FRMPD4: variants seen among roughly 807,000 people sequenced by gnomAD.
FRMPD4 encodes FERM and PDZ domain-containing protein 4.
Under a neutral mutation model 94.1 loss-of-function variants are expected in FRMPD4, and 22 were observed. The observed-to-expected ratio is 0.23, with a 90% CI of 0.17 to 0.33. The LOEUF (loss-of-function observed/expected upper bound fraction) is 0.33, where lower values mean the gene tolerates loss of function less well. FRMPD4 is among the 10% of genes least tolerant of loss of function. FRMPD4 has a pLI of 1.00. For synonymous variants in FRMPD4, 631 were observed against 548.6 expected (o/e 1.15, Z -2.10); for missense variants, 1,111 against 1,339.9 (o/e 0.83, Z 2.67).
chrX:12,163,359 CTTTG>C (rs200839130), intron 1 of FRMPD4, among the ~76,000 whole-genome samples: 1,709 of 87,483 alleles, frequency 0.02, 38 homozygotes, highest in African/African-American at 0.07. Flanking sequence ...TTGTTTGTTT[CTTTG>C]TTTGTTTTTA....
intron 2 of FRMPD4, among the ~76,000 whole-genome samples, chrX:12,516,078 G>A (rs1285061194): frequency 9.0e-6 from 1 of 110,769 alleles, no homozygotes; most frequent in Non-Finnish European, 1.9e-5. Context: ...CCTTTATTTT[G>A]AGCCTATGTG....
intron 4 of FRMPD4, among the ~76,000 whole-genome samples, chrX:12,641,012 A>G (rs954883855): frequency 2.4e-4 from 27 of 111,245 alleles, no homozygotes; most frequent in African/African-American, 7.2e-4. Context: ...GTGAGACCCT[A>G]TCTCTAATTT....
At chrX:12,635,479 G>A (rs1200269159) in intron 4 of FRMPD4, among the ~76,000 whole-genome samples, 1 of 111,310 alleles carries the variant, frequency 9.0e-6, no homozygotes, top group Non-Finnish European at 1.9e-5. Flanking sequence ...TCGAGGGGCT[G>A]AAAGGCCATC....
intron 3 of FRMPD4, among the ~76,000 whole-genome samples, chrX:11,879,767 A>G (rs1035079628): frequency 1.8e-5 from 2 of 112,314 alleles, no homozygotes; most frequent in Admixed American, 1.9e-4. Flanking sequence ...AGAACTATGT[A>G]AATATAGTTC....
At chrX:12,461,245 C>T (rs758474184) in intron 1 of FRMPD4, among the ~76,000 whole-genome samples, 1 of 111,771 alleles carries the variant, frequency 8.9e-6, no homozygotes, top group Non-Finnish European at 1.9e-5. Flanking sequence ...TTTCCCAAAA[C>T]GAGATGTGTG....
chrX:12,389,199 C>T (rs112163561), intron 1 of FRMPD4, among the ~76,000 whole-genome samples: 1,542 of 109,539 alleles, frequency 0.014, 22 homozygotes, highest in African/African-American at 0.043. Context: ...AGTGGCTGGG[C>T]GCGGTGGATC....
intron 1 of FRMPD4, among the ~76,000 whole-genome samples, chrX:12,400,882 A>G (rs888916014): frequency 3.6e-5 from 4 of 112,042 alleles, no homozygotes; most frequent in African/African-American, 1.3e-4. Flanking sequence ...GAAACTCAAA[A>G]TCTCAAAACT....
chrX:11,958,024 C>A (rs2054265704), intron 3 of FRMPD4, among the ~76,000 whole-genome samples: 1 of 111,872 alleles, frequency 8.9e-6, no homozygotes, highest in Admixed American at 9.5e-5. Flanking sequence ...TTTAAAAGAA[C>A]CCCCAATTGG....
intron 3 of FRMPD4, among the ~76,000 whole-genome samples, chrX:11,993,658 A>G (rs1255054645): frequency 3.6e-5 from 4 of 112,628 alleles, no homozygotes; most frequent in African/African-American, 1.3e-4. Flanking sequence ...GATGTGTTGT[A>G]TAAGTCAGGG....
intron 1 of FRMPD4, among the ~76,000 whole-genome samples, chrX:12,410,214 C>G (rs962865730): frequency 6.3e-5 from 7 of 111,482 alleles, no homozygotes; most frequent in Non-Finnish European, 9.4e-5. Context: ...ATGCCACTCC[C>G]ATTTACACGC....
At chrX:12,540,823 T>C (rs2058401181) in intron 2 of FRMPD4, among the ~76,000 whole-genome samples, 1 of 111,681 alleles carries the variant, frequency 9.0e-6, no homozygotes, top group Non-Finnish European at 1.9e-5. Context: ...ATTCCAAAAT[T>C]GACCACATAG....
chrX:12,577,543 G>A (rs2058823997), intron 2 of FRMPD4, among the ~76,000 whole-genome samples: 1 of 110,878 alleles, frequency 9.0e-6, no homozygotes, highest in South Asian at 3.9e-4. Flanking sequence ...TAAATCTAAA[G>A]TGATAGGAAG....
At chrX:12,603,739 G>A (rs909553902) in intron 2 of FRMPD4, among the ~76,000 whole-genome samples, 13 of 109,695 alleles carry the variant, frequency 1.2e-4, no homozygotes, top group Admixed American at 4.9e-4. Context: ...ATTCACTGAC[G>A]CACGTTCAGC....
chrX:12,707,013 C>T (rs1313339192), intron 12 of FRMPD4, 98 bp downstream of exon 12: 1 of 470,939 alleles, frequency 2.1e-6, no homozygotes, highest in Admixed American at 3.7e-5. Context: ...GAATCTTCTC[C>T]AGCCTTCATT....
intron 3 of FRMPD4, among the ~76,000 whole-genome samples, chrX:11,946,366 G>A (rs2054189140): frequency 9.0e-6 from 1 of 111,699 alleles, no homozygotes. Flanking sequence ...CACATTGTAG[G>A]GTTGCACTTT....
At chrX:12,067,528 C>G (rs2054931783) in intron 3 of FRMPD4, among the ~76,000 whole-genome samples, 1 of 110,632 alleles carries the variant, frequency 9.0e-6, no homozygotes, top group African/African-American at 3.3e-5. Context: ...TGTGATTCTC[C>G]TGCCTCAGCC....
intron 2 of FRMPD4, among the ~76,000 whole-genome samples, chrX:12,529,695 A>C (rs1234269529): frequency 8.9e-6 from 1 of 111,959 alleles, no homozygotes; most frequent in Non-Finnish European, 1.9e-5. Context: ...CAGATTCAAA[A>C]CCCAAATGAG....
intron 1 of FRMPD4, among the ~76,000 whole-genome samples, chrX:12,389,102 C>T (rs1487767406): frequency 9.2e-6 from 1 of 108,409 alleles, no homozygotes; most frequent in Non-Finnish European, 1.9e-5. Context: ...ATCTCAGACA[C>T]GAGGAATAAG....
intron 1 of FRMPD4, among the ~76,000 whole-genome samples, chrX:12,152,675 A>G (rs896899609): frequency 2.7e-5 from 3 of 111,484 alleles, no homozygotes; most frequent in African/African-American, 6.5e-5. Context: ...TATTAAAGAT[A>G]TGTATTATAC....
Sources: allele counts gnomAD v4.1 joint callset (sites outside exome capture counted in the v4.1 genomes callset), GRCh38; gene constraint gnomAD v4.1.1; transcripts MANE v1.5; gene names NCBI Gene and HGNC (gene_info 2026-07-23, HGNC 2026-07-21).